The following CMYA5 variants were observed in gnomAD, a reference collection of about 807,000 sequenced individuals.
The protein encoded by CMYA5 is cardiomyopathy-associated protein 5.
CMYA5 carries 246 observed loss-of-function variants against 318.9 expected under a neutral mutation model. That is an observed-to-expected ratio of 0.77 (90% CI 0.70 to 0.86). CMYA5 has a LOEUF of 0.86. Ranked by LOEUF, CMYA5 falls within the 40% of genes least tolerant of loss-of-function variation. The pLI, the probability that CMYA5 is intolerant of heterozygous loss-of-function variation, is 0.00. For synonymous variants in CMYA5, 1,641 were observed against 1,729.5 expected, an observed-to-expected ratio of 0.95 and a Z score of 1.27; for missense variants, 4,589 against 4,678.2, an observed-to-expected ratio of 0.98 and a Z score of 0.56.
rs749994095 is a variant in CMYA5, at chr5:79,729,794, C to T, written c.1029C>T (p.Pro343=). 3.1e-6 allele frequency: 5 copies of T among 1,613,834 alleles called. No homozygotes were observed. The South Asian group carries it at 3.3e-5, about 11-fold the overall frequency. The part of the protein sequence containing the change: ...NATSALEHTV[P]SYSSSGRAEQ... Reference sequence around the variant, plus strand: ...CATCTGCATTGGAGCACACAGTTCCCTCTTATTCAAGTAGTGGCAGAGCAG... The same window carrying T: ...CATCTGCATTGGAGCACACAGTTCCTTCTTATTCAAGTAGTGGCAGAGCAG... The change falls in exon 2 of 13, where the codon CCC becomes CCT. Residue 343 remains proline, a synonymous_variant. Transcript: ENST00000446378.
chr5:79,736,440 C>G lies in CMYA5; in HGVS notation c.7675C>G (p.Pro2559Ala), dbSNP rs773284549. The G allele has an allele frequency of 9.9e-6, 16 of 1,608,940 alleles. No individual in the cohort carries two copies. In the South Asian group the frequency reaches 1.8e-4, roughly 18 times the overall value. The part of the protein sequence containing the change: ...SEGKKQQEHQ[P>A]YSVNVAESMS... ...AGGAAAGAAGCAGCAGGAACATCAG[C>G]CTTATTCTGTGAATGTAGCCGAGTC... is the stretch of plus-strand genomic sequence containing the variant. Residue 2559 changes from proline to alanine, a missense_variant, in exon 2 of 13, where the codon CCT (proline) becomes GCT (alanine). Coordinates refer to ENST00000446378, the MANE Select transcript of CMYA5 (RefSeq NM_153610.5).
intron 1 of CMYA5, among the ~76,000 whole-genome samples, chr5:79,701,555 T>C (rs61466269): frequency 0.082 from 12,482 of 152,260 alleles, 590 homozygotes; most frequent in East Asian, 0.16. Context: ...CTTTCTAAGA[T>C]GGCAAAGACA....
At position 79,738,296 on chromosome 5, in the gene CMYA5, CATTG is replaced by C; in HGVS notation, c.9534_9537del (p.Asp3179GlnfsTer38). The stretch of plus-strand genomic sequence containing the variant: ...AGATATTTCCTACCACTATTAAAGT[CATTG>C]ATCCAGAATTTCTGGAGGAGCCACC... On this transcript the variant is annotated frameshift_variant, in exon 2 of 13. Coordinates refer to ENST00000446378, the MANE Select transcript of CMYA5 (RefSeq NM_153610.5). LOFTEE classifies it high-confidence loss of function. 1 of 1,613,314 alleles carries C rather than the reference CATTG, an allele frequency of 6.2e-7. No homozygotes were observed. The highest frequency in any genetic ancestry group is 8.5e-7 in the Non-Finnish European group (1 of 1,179,746).
rs573553128 is a variant in CMYA5 at position 79,705,859 on chromosome 5, C to T, written c.149+15803C>T. Among the ~76,000 whole-genome samples, 20 of 152,276 alleles carry T rather than the reference C, an allele frequency of 1.3e-4. 1 individual carries two copies. Among genetic ancestry groups the T allele is most frequent in the African/African-American group, 4.6e-4 (19 of 41,562 alleles). ...CAGACTCTGAAAGAAGCAGGTACTGCTACCTGCTTCACAGGTACCTGTGGG... is the reference window on the plus strand; with the variant it reads ...CAGACTCTGAAAGAAGCAGGTACTGTTACCTGCTTCACAGGTACCTGTGGG... On this transcript the variant is annotated intron_variant, in intron 1 of 12. Transcript: ENST00000446378.
chr5:79,694,346 C>G (rs1827027593), intron 1 of CMYA5, among the ~76,000 whole-genome samples: 1 of 152,164 alleles, frequency 6.6e-6, no homozygotes, highest in South Asian at 2.1e-4. Context: ...TACCATGTGC[C>G]AAACTCATGG....
rs907830031 is a variant in CMYA5, at chr5:79,788,973, C to T, written c.11558C>T (p.Ser3853Phe). ...QHSPEGEGLR[S>F]FSGIKGLQLK... is the part of the protein sequence containing the mutation. Reference sequence around the variant, plus strand: ...TATTATTTTCCTCTTGTATTTAGATCTTTCTCTGGAATCAAAGGACTCCAG... The same window carrying T: ...TATTATTTTCCTCTTGTATTTAGATTTTTCTCTGGAATCAAAGGACTCCAG... Residue 3853 changes from serine to phenylalanine, a missense_variant and splice_region_variant, in exon 10 of 13, where the codon TCT becomes TTT. Around this residue, in one of 3 missense-constraint regions of CMYA5, gnomAD observed 2,431 missense variants for 2,495.1 expected, o/e 0.97. Transcript: ENST00000446378. 2 of 1,613,098 alleles carry T rather than the reference C, an allele frequency of 1.2e-6. No homozygotes were observed. Among genetic ancestry groups the T allele is most frequent in the Non-Finnish European group, 1.7e-6 (2 of 1,179,426 alleles).
rs528440930 is a variant in CMYA5, at chr5:79,770,905, G to A, written c.11555+7696G>A. ...AATGATCAAAGGATGAATTAATATCGGGTGGGGGACGTTTTGGTGGGATGT... is the reference window on the plus strand; with the variant it reads ...AATGATCAAAGGATGAATTAATATCAGGTGGGGGACGTTTTGGTGGGATGT... On this transcript the variant is annotated intron_variant, in intron 9 of 12. Coordinates refer to ENST00000446378, the MANE Select transcript of CMYA5 (RefSeq NM_153610.5). Among the ~76,000 whole-genome samples the A allele has an allele frequency of 6.6e-5, 10 of 152,038 alleles. No individual in the cohort carries two copies. In the South Asian group the frequency reaches 1.5e-3, roughly 22 times the overall value.
chr5:79,770,683 G>A (rs896084751), intron 9 of CMYA5, among the ~76,000 whole-genome samples: 6 of 152,086 alleles, frequency 3.9e-5, no homozygotes, highest in Non-Finnish European at 7.4e-5. Context: ...CATTGATCTC[G>A]CTGGGAGCTG....
At chr5:79,740,595 A>G (rs1209558087) in intron 2 of CMYA5, among the ~76,000 whole-genome samples, 1 of 151,970 alleles carries the variant, frequency 6.6e-6, no homozygotes, top group South Asian at 2.1e-4. Flanking sequence ...ATTTTTTTGC[A>G]TTCTTTCTGG....
At chr5:79,722,680 A>C (rs1827664452) in intron 1 of CMYA5, among the ~76,000 whole-genome samples, 1 of 137,304 alleles carries the variant, frequency 7.3e-6, no homozygotes, top group Admixed American at 6.8e-5. Flanking sequence ...CTGTCTCAAA[A>C]AAAAAAAAAA....
rs369139329 is a variant in CMYA5 at position 79,731,086 on chromosome 5, C to T, written c.2321C>T (p.Thr774Ile). Residue 774 changes from threonine (T) to isoleucine (I), a missense_variant, in exon 2 of 13, where the codon ACA becomes ATA. This residue lies in a region of CMYA5 where 2,132 missense variants were observed against 2,131.3 expected (regional missense o/e 1.00). Coordinates refer to ENST00000446378, the MANE Select transcript of CMYA5 (RefSeq NM_153610.5). ...ECQSPLPSTA[T>I]SEHVVPSEGE... Reference sequence around the variant, plus strand: ...CAGTCACCACTGCCTTCTACTGCCACATCAGAACACGTGGTCCCATCAGAA... The same window carrying T: ...CAGTCACCACTGCCTTCTACTGCCATATCAGAACACGTGGTCCCATCAGAA... The T allele has an allele frequency of 1.2e-5, 19 of 1,613,888 alleles. No homozygotes were observed. In the African/African-American group the frequency reaches 2.4e-4, roughly 20 times the overall value.
At chr5:79,748,429 C>T (rs928643110) in intron 5 of CMYA5, among the ~76,000 whole-genome samples, 15 of 152,202 alleles carry the variant, frequency 9.9e-5, no homozygotes, top group African/African-American at 3.6e-4. Flanking sequence ...GTTACCAATT[C>T]TCACAGACGA....
intron 1 of CMYA5, among the ~76,000 whole-genome samples, chr5:79,720,489 T>G (rs1159562867): frequency 7.0e-6 from 1 of 143,862 alleles, no homozygotes; most frequent in Non-Finnish European, 1.5e-5. Flanking sequence ...CAGGCTGGAG[T>G]GCAGTGGCAC....
At chr5:79,751,815 G>T (rs1241846117) in intron 5 of CMYA5, among the ~76,000 whole-genome samples, 2 of 152,186 alleles carry the variant, frequency 1.3e-5, no homozygotes, top group African/African-American at 4.8e-5. Flanking sequence ...GAAGAATGGA[G>T]GGGGCAGGCA....
Position 79,735,512 on chromosome 5 carries a change from C to A in CMYA5, c.6747C>A (p.Pro2249=). 6.2e-7 allele frequency: 1 copy of A among 1,613,310 alleles called. No homozygotes were observed. The highest frequency in any genetic ancestry group is 1.3e-5 in the African/African-American group (1 of 74,972). Residue 2249 remains proline (P), a synonymous_variant, in exon 2 of 13, where the codon CCC becomes CCA. Transcript: ENST00000446378. ...TAAAACTTAAAACTGCTGATGAACC[C>A]AGAGGTACTTTAGTAAAATCTGGTG... ...SEVKLKTADE[P]RGTLVKSGDG... is the part of the protein sequence containing the mutation.
chr5:79,770,101 G>A (rs754471477), intron 9 of CMYA5, among the ~76,000 whole-genome samples: 3 of 152,298 alleles, frequency 2.0e-5, no homozygotes, highest in Admixed American at 6.5e-5. Context: ...TGTTGACACC[G>A]TGAGGGGAAA....
At chr5:79,691,368 C>G (rs1826967448) in intron 1 of CMYA5, among the ~76,000 whole-genome samples, 1 of 152,224 alleles carries the variant, frequency 6.6e-6, no homozygotes, top group East Asian at 1.9e-4. Context: ...CTTGCCCAAC[C>G]ACAATTTACA....
In CMYA5 at chr5:79,729,423, GTCTACA is replaced by G; in HGVS notation, c.660_665del (p.Tyr221_Ile222del). 1.2e-6 allele frequency: 2 copies of G among 1,613,684 alleles called. No individual in the cohort carries two copies. The highest frequency in any genetic ancestry group is 1.7e-6 in the Non-Finnish European group (2 of 1,179,666). On this transcript the variant is annotated inframe_deletion, in exon 2 of 13. Transcript: ENST00000446378. ...ACACAAGCCATTAGTGTTAAGACCAGTCTACATAGGAACAGTACAATATAAAATTAA... is the reference window on the plus strand; with the variant it reads ...ACACAAGCCATTAGTGTTAAGACCAGTAGGAACAGTACAATATAAAATTAA...
At chr5:79,760,867 A>G (rs1344598088) in intron 7 of CMYA5, among the ~76,000 whole-genome samples, 1 of 152,188 alleles carries the variant, frequency 6.6e-6, no homozygotes, top group Admixed American at 6.5e-5. Flanking sequence ...AGGTTCTTTA[A>G]ACTGAACTTT....
Sources: gnomAD v4.1 joint callset for allele counts (sites outside exome capture counted in the v4.1 genomes callset) on GRCh38, gnomAD v4.1.1 for gene constraint, gnomAD v4.1.1 regional missense constraint, MANE v1.5 for transcripts, NCBI Gene and HGNC (gene_info 2026-07-23, HGNC 2026-07-21) for gene names.